Variants in DSCAM observed in about 807,000 individuals in gnomAD.
DSCAM encodes DS cell adhesion molecule.
In DSCAM, 47 loss-of-function variants were observed where a neutral mutation model predicts 217.7. That is an observed-to-expected ratio of 0.22 (90% CI 0.17 to 0.28). The LOEUF is 0.28. Among genes scored for constraint, DSCAM ranks in the 10% least tolerant of loss-of-function variants. The pLI, the probability that DSCAM is intolerant of heterozygous loss-of-function variation, is 1.00. For missense variants in DSCAM, 2,080 were observed against 2,618.3 expected, an observed-to-expected ratio of 0.79 and a Z score of 4.49; for synonymous variants, 1,056 against 1,015.3, an observed-to-expected ratio of 1.04 and a Z score of -0.76.
intron 3 of DSCAM, among the ~76,000 whole-genome samples, chr21:40,630,393 G>A (rs764050214): frequency 6.6e-6 from 1 of 152,118 alleles, no homozygotes; most frequent in East Asian, 1.9e-4. Context: ...CTGTCTCCAG[G>A]GTTCAAGAGA....
chr21:40,561,559 G>A (rs16999993), intron 3 of DSCAM, among the ~76,000 whole-genome samples: 3,456 of 152,178 alleles, frequency 0.023, 142 homozygotes, highest in East Asian at 0.13. Context: ...GCTTCATTCA[G>A]TGATACCCCA....
At chr21:40,235,527 C>T (rs751162166) in intron 11 of DSCAM, among the ~76,000 whole-genome samples, 7 of 152,076 alleles carry the variant, frequency 4.6e-5, no homozygotes, top group Non-Finnish European at 1.0e-4. Flanking sequence ...CAAGAGAGCT[C>T]AGCTGAAATA....
chr21:40,469,708 T>G (rs1601667741), intron 3 of DSCAM, among the ~76,000 whole-genome samples: 1 of 152,176 alleles, frequency 6.6e-6, no homozygotes, highest in East Asian at 1.9e-4. Context: ...AATAAATACA[T>G]GAATAAGATT....
At chr21:40,611,310 G>A (rs887981288) in intron 3 of DSCAM, among the ~76,000 whole-genome samples, 3 of 151,948 alleles carry the variant, frequency 2.0e-5, no homozygotes, top group African/African-American at 7.3e-5. Flanking sequence ...GCCTGCCTTG[G>A]CCTCACAAAG....
intron 3 of DSCAM, among the ~76,000 whole-genome samples, chr21:40,567,003 G>T (rs911228159): frequency 6.6e-6 from 1 of 151,952 alleles, no homozygotes; most frequent in Non-Finnish European, 1.5e-5. Flanking sequence ...CAAGCAGAAG[G>T]GGTGTAGGCA....
chr21:40,651,624 A>AT (rs1243801441), intron 3 of DSCAM, among the ~76,000 whole-genome samples: 1 of 152,090 alleles, frequency 6.6e-6, no homozygotes, highest in Non-Finnish European at 1.5e-5. Flanking sequence ...AGCTACTGCA[A>AT]TTTCGTCACT....
intron 30 of DSCAM, among the ~76,000 whole-genome samples, chr21:40,050,940 T>C (rs2088920924): frequency 6.6e-6 from 1 of 152,234 alleles, no homozygotes; most frequent in South Asian, 2.1e-4. Context: ...ATGTAGAATA[T>C]TCTTGAAAAC....
At chr21:40,622,490 T>C (rs1014271974) in intron 3 of DSCAM, among the ~76,000 whole-genome samples, 21 of 152,166 alleles carry the variant, frequency 1.4e-4, no homozygotes, top group African/African-American at 5.1e-4. Flanking sequence ...CAGTTTTGAC[T>C]CCATTTGCAT....
At position 40,743,491 on chromosome 21, in the gene DSCAM, C is replaced by T. The variant is rs1332859894; in HGVS notation, c.44-34720G>A. Among the ~76,000 whole-genome samples the T allele has an allele frequency of 3.3e-5, 5 of 152,226 alleles. No individual in the cohort carries two copies. In the East Asian group the frequency reaches 5.8e-4, roughly 18 times the overall value. On this transcript the variant is annotated intron_variant, in intron 1 of 32. Transcript: ENST00000400454. ...TCTCCATAAATTATATTTTTCTGAG[C>T]TTATTCCCCACTCTGACATAATACA...
In DSCAM at chr21:40,042,602, C is replaced by T. The variant is rs2146477902; in HGVS notation, c.5455G>A (p.Glu1819Lys). The T allele has an allele frequency of 2.5e-6, 4 of 1,614,098 alleles. No individual in the cohort carries two copies. The highest frequency in any genetic ancestry group is 3.4e-6 in the Non-Finnish European group (4 of 1,180,042). The part of the protein sequence containing the change: ...STYEELARAY[E>K]HAKMEEQLRH... ...AGTTGCTCTTCCATCTTGGCGTGTT[C>T]GTAGGCCCTGGCCAGTTCTTCGTAA... The change falls in exon 32 of 33, where the codon GAA becomes AAA. Residue 1819 changes from glutamate (E) to lysine (K), a missense_variant. Transcript: ENST00000400454.
intron 3 of DSCAM, among the ~76,000 whole-genome samples, chr21:40,637,131 AT>A: frequency 1.2e-5 from 1 of 81,206 alleles, no homozygotes; most frequent in African/African-American, 4.9e-5. Context: ...ATATATATAA[AT>A]ATATAAATAT....
intron 3 of DSCAM, among the ~76,000 whole-genome samples, chr21:40,646,633 T>TA (rs1270645150): frequency 6.6e-6 from 1 of 152,220 alleles, no homozygotes; most frequent in Non-Finnish European, 1.5e-5. Flanking sequence ...ATGAAGCATG[T>TA]AAAAGCGAAG....
intron 1 of DSCAM, among the ~76,000 whole-genome samples, chr21:40,789,776 C>A (rs893356961): frequency 6.6e-6 from 1 of 152,042 alleles, no homozygotes; most frequent in Non-Finnish European, 1.5e-5. Context: ...AGGATGGTCT[C>A]GATCTCCTGA....
At chr21:40,270,975 T>C (rs2073608490) in intron 11 of DSCAM, among the ~76,000 whole-genome samples, 1 of 151,834 alleles carries the variant, frequency 6.6e-6, no homozygotes, top group African/African-American at 2.4e-5. Flanking sequence ...AGGAGATGGG[T>C]TATTATATGT....
chr21:40,691,913 G>C (rs893005968), intron 3 of DSCAM, among the ~76,000 whole-genome samples: 4 of 152,212 alleles, frequency 2.6e-5, no homozygotes, highest in African/African-American at 9.6e-5. Flanking sequence ...GTCACCGTGA[G>C]GGTTTAGTTC....
intron 1 of DSCAM, among the ~76,000 whole-genome samples, chr21:40,756,202 G>C (rs1181260298): frequency 6.6e-6 from 1 of 152,118 alleles, no homozygotes; most frequent in Non-Finnish European, 1.5e-5. Flanking sequence ...TTATTTGAAA[G>C]TTTGTGGCAC....
At chr21:40,457,831 G>C (rs1282376218) in intron 3 of DSCAM, among the ~76,000 whole-genome samples, 1 of 152,124 alleles carries the variant, frequency 6.6e-6, no homozygotes, top group Admixed American at 6.5e-5. Context: ...TTAATAATGT[G>C]GAAAGGCAAA....
At chr21:40,757,797 T>C (rs1278222933) in intron 1 of DSCAM, among the ~76,000 whole-genome samples, 2 of 152,228 alleles carry the variant, frequency 1.3e-5, no homozygotes, top group Admixed American at 6.5e-5. Flanking sequence ...AGTTTTGGCA[T>C]CAAGTCTCGA....
At position 40,037,474 on chromosome 21, in the gene DSCAM, T is replaced by A. The variant is rs1266281085; in HGVS notation, c.5686+4897A>T. ...CAACTTACAAGGGATGTGAAGGACCTCTTCAAGGAGAACTACAAACCACTG... is the reference window on the plus strand; with the variant it reads ...CAACTTACAAGGGATGTGAAGGACCACTTCAAGGAGAACTACAAACCACTG... On this transcript the variant is annotated intron_variant, in intron 32 of 32. Transcript: ENST00000400454. Among the ~76,000 whole-genome samples the A allele has an allele frequency of 5.9e-4, 85 of 142,914 alleles. No individual in the cohort carries two copies. In the South Asian group the frequency reaches 0.018, roughly 30 times the overall value. 93.8% of individuals were successfully genotyped at this position (142,914 alleles called of 152,430 possible).
Sources: allele counts gnomAD v4.1 joint callset (sites outside exome capture counted in the v4.1 genomes callset), GRCh38; gene constraint gnomAD v4.1.1; transcripts MANE v1.5; gene names NCBI Gene and HGNC (gene_info 2026-07-23, HGNC 2026-07-21).